The following GALNT2 variants were observed in gnomAD, a reference collection of about 807,000 sequenced individuals.
The protein encoded by GALNT2 is polypeptide N-acetylgalactosaminyltransferase 2.
GALNT2 carries 31 observed loss-of-function variants against 81.4 expected under a neutral mutation model. The ratio of observed to expected loss-of-function variants is 0.38; its 90% confidence interval spans 0.29 to 0.51. The LOEUF is 0.51. Among genes scored for constraint, GALNT2 ranks in the 20% least tolerant of loss-of-function variants. The probability of loss-of-function intolerance (pLI) is 0.87; values close to 1 mark genes in which losing one functional copy is unlikely to be tolerated. For missense variants in GALNT2, 629 were observed against 765.7 expected (o/e 0.82, Z 2.11); for synonymous variants, 303 against 287.4 (o/e 1.05, Z -0.55).
chr1:230,061,106 G>A (rs1659035958), intron 1 of GALNT2, among the ~76,000 whole-genome samples: 1 of 152,004 alleles, frequency 6.6e-6, no homozygotes, highest in Non-Finnish European at 1.5e-5. Flanking sequence ...TTGCTACTGG[G>A]ATATTATTAA....
chr1:230,236,253 C>A, intron 4 of GALNT2, 100 bp from the exon 5 acceptor site: 1 of 1,393,820 alleles, frequency 7.2e-7, no homozygotes, highest in Non-Finnish European at 1.0e-6. Flanking sequence ...GTAGCTCCTC[C>A]AACCAAGGGT....
chr1:230,186,992 G>T (rs1471633073), intron 2 of GALNT2, among the ~76,000 whole-genome samples: 2 of 152,182 alleles, frequency 1.3e-5, no homozygotes, highest in Non-Finnish European at 2.9e-5. Flanking sequence ...TTTATGGTTT[G>T]CAAGAAACCG....
chr1:230,067,289 G>A lies in GALNT2; in HGVS notation c.9G>A (p.Arg3=). The change falls in exon 1 of 16, where the codon CGG becomes CGA. Residue 3 remains arginine (R), a synonymous_variant. Coordinates refer to ENST00000366672, the MANE Select transcript of GALNT2 (RefSeq NM_004481.5). ...GCGGCCGAGTTGGGAGAATGCGGCG[G>A]CGCTCGCGGATGCTGCTCTGCTTCG... is the stretch of plus-strand genomic sequence containing the variant. The part of the protein sequence containing the change: MR[R]RSRMLLCFAF... The A allele has an allele frequency of 7.4e-7, 1 of 1,358,272 alleles. No homozygotes were observed. The highest frequency in any genetic ancestry group is 9.6e-7 in the Non-Finnish European group (1 of 1,041,764). 84.1% of individuals were successfully genotyped at this position (1,358,272 alleles called of 1,614,324 possible).
rs1665283951 is a variant in GALNT2, at chr1:230,243,852, C to T, written c.729+425C>T. 6.6e-6 allele frequency among the ~76,000 whole-genome samples: 1 copy of T among 152,176 alleles called. No homozygotes were observed. Among genetic ancestry groups the T allele is most frequent in the East Asian group, 1.9e-4 (1 of 5,164 alleles). On this transcript the variant is annotated intron_variant, in intron 7 of 15. Coordinates refer to ENST00000366672, the MANE Select transcript of GALNT2 (RefSeq NM_004481.5). The surrounding 1 kb of genome is among the most constrained non-coding windows in gnomAD (Gnocchi z 4.2). ...GGGGAAGCTGTCCCTGGGGCCACCT[C>T]TCTGCTCTTAGTGAGTAGGGCAGGT...
chr1:230,250,987 G>A (rs1665529547), intron 10 of GALNT2, among the ~76,000 whole-genome samples: 3 of 152,138 alleles, frequency 2.0e-5, no homozygotes, highest in Non-Finnish European at 4.4e-5. Flanking sequence ...GGGAGGCCTT[G>A]GCACTTAATC....
At chr1:230,119,111 C>T (rs372704897) in intron 1 of GALNT2, among the ~76,000 whole-genome samples, 2 of 152,156 alleles carry the variant, frequency 1.3e-5, no homozygotes, top group African/African-American at 4.8e-5. Context: ...CCATTTGGTT[C>T]CTAAATGTTA....
At chr1:230,233,946 A>G (rs575864075) in intron 3 of GALNT2, among the ~76,000 whole-genome samples, 4 of 152,018 alleles carry the variant, frequency 2.6e-5, no homozygotes, top group Admixed American at 6.5e-5. Context: ...GCCGGGAACA[A>G]ATTTCCTCCA....
At position 230,070,212 on chromosome 1, in the gene GALNT2, A is replaced by C. The variant is rs975805075; in HGVS notation, c.126+2806A>C. Among the ~76,000 whole-genome samples, 12 of 152,318 alleles carry C rather than the reference A, an allele frequency of 7.9e-5. No individual in the cohort carries two copies. The South Asian group carries it at 2.5e-3, about 32-fold the overall frequency. On this transcript the variant is annotated intron_variant, in intron 1 of 15. Transcript: ENST00000366672. This position sits in a 1 kb window ranked among gnomAD's most constrained non-coding sequence, Gnocchi z 4.7. ...AAGCAGTTTATTCAAAATATTGTTT[A>C]AAATTATGTTTCATTTACATTTGTG...
intron 2 of GALNT2, among the ~76,000 whole-genome samples, chr1:230,190,456 G>T (rs956024243): frequency 1.3e-5 from 2 of 152,212 alleles, no homozygotes; most frequent in African/African-American, 4.8e-5. Flanking sequence ...CTGACAACAG[G>T]TCCTGAGTTT....
intron 10 of GALNT2, among the ~76,000 whole-genome samples, chr1:230,254,808 G>A (rs368491908): frequency 1.3e-5 from 2 of 152,180 alleles, no homozygotes; most frequent in African/African-American, 4.8e-5. Flanking sequence ...GCAAATGATC[G>A]TGAGCCAGCT....
chr1:230,067,617 G>A (rs1558267534), intron 1 of GALNT2, among the ~76,000 whole-genome samples: 1 of 152,002 alleles, frequency 6.6e-6, no homozygotes, highest in South Asian at 2.1e-4. Context: ...GGCGGCCCCC[G>A]CAGCCTTTCT....
chr1:230,225,490 C>T (rs1037411134), intron 3 of GALNT2, among the ~76,000 whole-genome samples: 9 of 152,264 alleles, frequency 5.9e-5, no homozygotes, highest in South Asian at 2.1e-4. Context: ...TAGATCTTTT[C>T]AGCCTGGTCA....
intron 8 of GALNT2, 51 bp downstream of exon 8, chr1:230,246,201 A>G (rs765140273): frequency 7.8e-7 from 1 of 1,286,490 alleles, no homozygotes; most frequent in South Asian, 1.2e-5. Flanking sequence ...CTACACCAGC[A>G]TCTGATCACC....
rs977921868 is a variant in GALNT2 at position 230,255,252 on chromosome 1, C to G, written c.1044C>G (p.Ser348Arg). ...TCCGCGTGTGGCAGTGTGGTGGCAG[C>G]CTGGAGATCATCCCGTGCAGCCGTG... ...ISFRVWQCGG[S>R]LEIIPCSRVG... The change falls in exon 11 of 16, where the codon AGC becomes AGG. Residue 348 changes from serine (S) to arginine (R), a missense_variant. Around this residue, in one of 3 missense-constraint regions of GALNT2, gnomAD observed 360 missense variants for 492.8 expected, o/e 0.73. Coordinates refer to ENST00000366672, the MANE Select transcript of GALNT2 (RefSeq NM_004481.5). The G allele has an allele frequency of 6.2e-7, 1 of 1,614,096 alleles. No individual in the cohort carries two copies. Among genetic ancestry groups the G allele is most frequent in the Non-Finnish European group, 8.5e-7 (1 of 1,180,052 alleles).
intron 1 of GALNT2, among the ~76,000 whole-genome samples, chr1:230,075,121 CTTTTTTTTT>C (rs34482749): frequency 1.1e-5 from 1 of 92,554 alleles, no homozygotes; most frequent in African/African-American, 4.4e-5. Context: ...GTCTGTTTTG[CTTTTTTTTT>C]TTTTTTTTTT....
intron 1 of GALNT2, among the ~76,000 whole-genome samples, chr1:230,099,679 T>G (rs910325834): frequency 6.6e-6 from 1 of 152,242 alleles, no homozygotes; most frequent in Non-Finnish European, 1.5e-5. Flanking sequence ...ATATTTTGGC[T>G]TTGGTTCCTG....
intron 1 of GALNT2, among the ~76,000 whole-genome samples, chr1:230,125,293 A>G (rs1661139217): frequency 6.6e-6 from 1 of 152,228 alleles, no homozygotes; most frequent in Admixed American, 6.5e-5. Flanking sequence ...GAAGTTGTAC[A>G]GGCCAGAGAA....
chr1:230,243,940 G>A lies in GALNT2; in HGVS notation c.729+513G>A, dbSNP rs1665286057. Among the ~76,000 whole-genome samples, 2 of 152,012 alleles carry A rather than the reference G, an allele frequency of 1.3e-5. No individual in the cohort carries two copies. Among genetic ancestry groups the A allele is most frequent in the South Asian group, 2.1e-4 (1 of 4,826 alleles). On this transcript the variant is annotated intron_variant, in intron 7 of 15. Coordinates refer to ENST00000366672, the MANE Select transcript of GALNT2 (RefSeq NM_004481.5). This position sits in a 1 kb window ranked among gnomAD's most constrained non-coding sequence, Gnocchi z 4.2. ...TGTGGCTAGGAAGCATACAGGGACC[G>A]GTGGGGTTGTCAGAGGGTGATCCGC...
chr1:230,279,970 A>G lies in GALNT2; in HGVS notation c.*512A>G. 1 of 456,170 alleles carries G rather than the reference A, an allele frequency of 2.2e-6. No individual in the cohort carries two copies. The highest frequency in any genetic ancestry group is 4.4e-6 in the Non-Finnish European group (1 of 226,900). The allele number at this position is 456,170 out of a possible 1,614,324, so 28.3% of individuals were successfully genotyped here. Reference sequence around the variant, plus strand: ...CAATAGTCCCTCTCTCTGCTCCTCCATTCGCAAGTGTCTTCCTGGGCCAGA... The same window carrying G: ...CAATAGTCCCTCTCTCTGCTCCTCCGTTCGCAAGTGTCTTCCTGGGCCAGA... On this transcript the variant is annotated 3_prime_UTR_variant, in exon 16 of 16. Transcript: ENST00000366672. The surrounding 1 kb of genome is among the most constrained non-coding windows in gnomAD (Gnocchi z 4.6).
Sources: allele counts gnomAD v4.1 joint callset (sites outside exome capture counted in the v4.1 genomes callset), GRCh38; gene constraint gnomAD v4.1.1; regional missense constraint gnomAD v4.1.1; non-coding constraint Gnocchi (gnomAD v3.1); transcripts MANE v1.5; gene names NCBI Gene and HGNC (gene_info 2026-07-23, HGNC 2026-07-21).